The following TNFSF4 variants were observed in gnomAD, a reference collection of about 807,000 sequenced individuals.
TNFSF4 encodes tumor necrosis factor ligand superfamily member 4.
TNFSF4 carries 4 observed loss-of-function variants against 7.3 expected under a neutral mutation model. The observed-to-expected ratio is 0.55, with a 90% CI of 0.27 to 1.25. TNFSF4 has a LOEUF of 1.25. Ranked by LOEUF, TNFSF4 falls within the 50% of genes most tolerant of loss-of-function variation. The probability of loss-of-function intolerance (pLI) is 0.12; values close to 1 mark genes in which losing one functional copy is unlikely to be tolerated. For missense variants in TNFSF4, 181 were observed against 208.8 expected, an observed-to-expected ratio of 0.87 and a Z score of 0.82; for synonymous variants, 76 against 83.7, an observed-to-expected ratio of 0.91 and a Z score of 0.50.
chr1:173,264,741 C>A, the TNFSF4 span, among the ~76,000 whole-genome samples: 2 of 152,158 alleles, frequency 1.3e-5, no homozygotes, highest in Non-Finnish European at 2.9e-5. Context: ...AAGAGAAAGA[C>A]AGAGAGCGGG....
At chr1:173,174,469 A>T in the TNFSF4 span, 1 of 152,172 alleles carries the variant, frequency 6.6e-6, no homozygotes, top group East Asian at 1.9e-4. Flanking sequence ...ACTGCCCGAG[A>T]CTAGGTAATT....
chr1:173,325,030 G>A, the TNFSF4 span, among the ~76,000 whole-genome samples: 1 of 152,152 alleles, frequency 6.6e-6, no homozygotes, highest in African/African-American at 2.4e-5. Flanking sequence ...GACATCTACA[G>A]AACTCTCCAC....
chr1:173,391,435 CAAAAAAAAAAAAAAAAAAAA>C, the TNFSF4 span, among the ~76,000 whole-genome samples: 3 of 108,826 alleles, frequency 2.8e-5, no homozygotes, highest in Non-Finnish European at 5.6e-5. Context: ...CCTTAGAAAG[CAAAAAAAAAAAAAAAAAAAA>C]AAAAAAAAAA....
At chr1:173,311,724 A>G in the TNFSF4 span, among the ~76,000 whole-genome samples, 1 of 152,060 alleles carries the variant, frequency 6.6e-6, no homozygotes, top group African/African-American at 2.4e-5. Flanking sequence ...AACCAGGAAG[A>G]GCCCCTTCCT....
At chr1:173,429,397 A>G in the TNFSF4 span, among the ~76,000 whole-genome samples, 2 of 152,238 alleles carry the variant, frequency 1.3e-5, no homozygotes, top group East Asian at 3.8e-4. Context: ...GAATTCTTGT[A>G]GCATCTGTTA....
chr1:173,217,914 A>AT, the TNFSF4 span, among the ~76,000 whole-genome samples: 8 of 151,582 alleles, frequency 5.3e-5, no homozygotes, highest in Non-Finnish European at 8.8e-5. Flanking sequence ...TGTACAGCTA[A>AT]TTTTTTTTAT....
At chr1:173,449,680 C>G in the TNFSF4 span, among the ~76,000 whole-genome samples, 1 of 152,044 alleles carries the variant, frequency 6.6e-6, no homozygotes, top group African/African-American at 2.4e-5. Flanking sequence ...GACTAATACA[C>G]CAACATACTT....
At chr1:173,442,704 C>T in the TNFSF4 span, among the ~76,000 whole-genome samples, 1 of 151,942 alleles carries the variant, frequency 6.6e-6, no homozygotes, top group African/African-American at 2.4e-5. Context: ...GCACCCGCCA[C>T]CATGCCTGGC....
chr1:173,373,131 A>G, the TNFSF4 span, among the ~76,000 whole-genome samples: 3 of 152,252 alleles, frequency 2.0e-5, no homozygotes, highest in South Asian at 4.1e-4. Context: ...CCATGCTGCA[A>G]TATGGAAAGA....
chr1:173,228,326 G>C, the TNFSF4 span, among the ~76,000 whole-genome samples: 19 of 152,198 alleles, frequency 1.2e-4, no homozygotes, highest in Non-Finnish European at 2.5e-4. Flanking sequence ...AGGGTCTGGA[G>C]TGGACCTCCA....
the TNFSF4 span, among the ~76,000 whole-genome samples, chr1:173,323,733 G>A: frequency 6.6e-6 from 1 of 152,160 alleles, no homozygotes; most frequent in African/African-American, 2.4e-5. Flanking sequence ...CATAGTAACT[G>A]ATGTGATCAA....
the TNFSF4 span, among the ~76,000 whole-genome samples, chr1:173,359,529 A>G: frequency 4.6e-5 from 1 of 21,530 alleles, no homozygotes; most frequent in African/African-American, 1.2e-4. Flanking sequence ...AAAAAAAAAA[A>G]AAAAAAAAAA....
At chr1:173,366,101 T>C in the TNFSF4 span, among the ~76,000 whole-genome samples, 2 of 152,138 alleles carry the variant, frequency 1.3e-5, no homozygotes, top group African/African-American at 2.4e-5. Context: ...AGAGGTACCA[T>C]GTGATCCAGG....
At chr1:173,340,551 C>T in the TNFSF4 span, among the ~76,000 whole-genome samples, 3 of 152,012 alleles carry the variant, frequency 2.0e-5, no homozygotes, top group Non-Finnish European at 4.4e-5. Context: ...AAGCCTATAT[C>T]CCCAACCAGT....
chr1:173,315,596 C>A, the TNFSF4 span, among the ~76,000 whole-genome samples: 3 of 151,998 alleles, frequency 2.0e-5, no homozygotes, highest in African/African-American at 7.3e-5. Context: ...TGTAAGGACA[C>A]GTGATTAAAG....
the TNFSF4 span, among the ~76,000 whole-genome samples, chr1:173,432,099 A>G: frequency 4.6e-5 from 7 of 152,324 alleles, 1 homozygote; most frequent in South Asian, 1.4e-3. Flanking sequence ...CACAATTAGC[A>G]TTTGGCACGT....
chr1:173,423,866 T>C, the TNFSF4 span, among the ~76,000 whole-genome samples: 1 of 152,314 alleles, frequency 6.6e-6, no homozygotes, highest in African/African-American at 2.4e-5. Context: ...AAAAAATTTA[T>C]TTCTCACAGT....
upstream of TNFSF4, among the ~76,000 whole-genome samples, chr1:173,208,432 G>GA (rs758286518): frequency 2.0e-5 from 3 of 152,150 alleles, no homozygotes; most frequent in Non-Finnish European, 4.4e-5. Context: ...CCACTTCACA[G>GA]AAAAAATGGA....
chr1:173,329,504 G>C, the TNFSF4 span, among the ~76,000 whole-genome samples: 1 of 152,042 alleles, frequency 6.6e-6, no homozygotes. Flanking sequence ...AAAGGAGAGT[G>C]AAAACAGAGA....
Sources: allele counts gnomAD v4.1 joint callset (sites outside exome capture counted in the v4.1 genomes callset), GRCh38; gene constraint gnomAD v4.1.1; transcripts MANE v1.5; gene names NCBI Gene and HGNC (gene_info 2026-07-23, HGNC 2026-07-21).